FSTL5: variants seen among roughly 807,000 people sequenced by gnomAD.
FSTL5 encodes the protein follistatin like 5.
Under a neutral mutation model 89.1 loss-of-function variants are expected in FSTL5, and 62 were observed. That is an observed-to-expected ratio of 0.70 (90% CI 0.57 to 0.86). The LOEUF (loss-of-function observed/expected upper bound fraction) is 0.86, where lower values mean the gene tolerates loss of function less well. Ranked by LOEUF, FSTL5 falls within the 40% of genes least tolerant of loss-of-function variation. The probability of loss-of-function intolerance (pLI) is 0.00; values close to 1 mark genes in which losing one functional copy is unlikely to be tolerated. For missense variants in FSTL5, 1,057 were observed against 1,001.6 expected (o/e 1.06, Z -0.75); for synonymous variants, 383 against 346.2 (o/e 1.11, Z -1.18).
At chr4:162,157,298 C>G (rs1285242639) in intron 1 of FSTL5, among the ~76,000 whole-genome samples, 1 of 151,882 alleles carries the variant, frequency 6.6e-6, no homozygotes, top group Non-Finnish European at 1.5e-5. Flanking sequence ...GAGAATTTGT[C>G]ATCAACTGAC....
chr4:161,754,045 TAA>T (rs10649973), intron 6 of FSTL5, among the ~76,000 whole-genome samples: 10 of 85,062 alleles, frequency 1.2e-4, no homozygotes, highest in East Asian at 1.1e-3. Flanking sequence ...CCGTCTCAAT[TAA>T]AAAAAAAAAA....
intron 7 of FSTL5, among the ~76,000 whole-genome samples, chr4:161,652,656 T>C (rs1298059418): frequency 6.6e-6 from 1 of 152,080 alleles, no homozygotes; most frequent in Non-Finnish European, 1.5e-5. Flanking sequence ...TAAAAATATA[T>C]TTTAATTAAA....
At chr4:161,702,643 G>A (rs1738434504) in intron 6 of FSTL5, among the ~76,000 whole-genome samples, 1 of 152,120 alleles carries the variant, frequency 6.6e-6, no homozygotes, top group Non-Finnish European at 1.5e-5. Context: ...GCTGTAGAAT[G>A]CTTTTATAAG....
intron 4 of FSTL5, among the ~76,000 whole-genome samples, chr4:161,864,820 C>T (rs1347899246): frequency 7.2e-6 from 1 of 139,754 alleles, no homozygotes; most frequent in East Asian, 2.1e-4. Context: ...TGCAGTGAGC[C>T]GAGATTGTGC....
chr4:162,124,457 T>C (rs931921536), intron 1 of FSTL5, among the ~76,000 whole-genome samples: 3 of 152,158 alleles, frequency 2.0e-5, no homozygotes, highest in African/African-American at 4.8e-5. Context: ...ATTCCCAGTA[T>C]AACTGGTTGG....
chr4:161,996,592 C>T (rs558791438), intron 3 of FSTL5, among the ~76,000 whole-genome samples: 1 of 152,338 alleles, frequency 6.6e-6, no homozygotes, highest in East Asian at 1.9e-4. Flanking sequence ...AAATATAAAA[C>T]TGATCAAATT....
chr4:161,637,388 A>G (rs13105814), intron 7 of FSTL5, among the ~76,000 whole-genome samples: 59,071 of 99,260 alleles, frequency 0.6, 16,974 homozygotes, highest in Middle Eastern at 0.72. Flanking sequence ...AGTAGGTTGC[A>G]AAAATTTTCT....
intron 5 of FSTL5, 50 bp downstream of exon 5, chr4:161,775,828 T>C (rs755978337): frequency 4.5e-6 from 4 of 890,782 alleles, no homozygotes; most frequent in Non-Finnish European, 6.5e-6. Flanking sequence ...AGTAAATATA[T>C]TGTGCATGCT....
intron 6 of FSTL5, among the ~76,000 whole-genome samples, chr4:161,698,658 G>A: frequency 6.6e-6 from 1 of 152,218 alleles, no homozygotes; most frequent in Non-Finnish European, 1.5e-5. Context: ...GCCAGGCGCA[G>A]TGGCTCACGC....
chr4:161,456,134 T>C (rs1426156200), intron 14 of FSTL5, among the ~76,000 whole-genome samples: 2 of 152,198 alleles, frequency 1.3e-5, no homozygotes, highest in Non-Finnish European at 2.9e-5. Context: ...GGAAGGCTTC[T>C]ATTTCAAGTT....
intron 2 of FSTL5, among the ~76,000 whole-genome samples, chr4:162,078,996 A>T (rs1465640822): frequency 6.6e-6 from 1 of 151,780 alleles, no homozygotes; most frequent in Non-Finnish European, 1.5e-5. Context: ...GCAATGGTTG[A>T]GGTATTGTCT....
chr4:161,729,296 C>A (rs1739525149), intron 6 of FSTL5, among the ~76,000 whole-genome samples: 1 of 152,110 alleles, frequency 6.6e-6, no homozygotes, highest in African/African-American at 2.4e-5. Context: ...ATTATTAGAA[C>A]CCCCTCAATA....
chr4:161,644,013 T>C (rs1736054000), intron 7 of FSTL5, among the ~76,000 whole-genome samples: 1 of 152,144 alleles, frequency 6.6e-6, no homozygotes, highest in Non-Finnish European at 1.5e-5. Flanking sequence ...AAAGGTCCTT[T>C]GCACAGAGTT....
intron 15 of FSTL5, among the ~76,000 whole-genome samples, chr4:161,420,618 C>A (rs1188707151): frequency 1.3e-5 from 2 of 151,590 alleles, no homozygotes; most frequent in Non-Finnish European, 2.9e-5. Flanking sequence ...TAAATCTCTT[C>A]ATATAGTCAT....
intron 3 of FSTL5, among the ~76,000 whole-genome samples, chr4:161,955,644 G>A (rs551040355): frequency 4.6e-5 from 7 of 151,604 alleles, no homozygotes; most frequent in South Asian, 2.1e-4. Context: ...ACATCAAAAT[G>A]TAATAGTAGT....
chr4:162,128,408 G>A (rs1304226255), intron 1 of FSTL5, among the ~76,000 whole-genome samples: 1 of 152,134 alleles, frequency 6.6e-6, no homozygotes, highest in African/African-American at 2.4e-5. Flanking sequence ...TGAGAGCAGA[G>A]CTCTCAGAAT....
intron 8 of FSTL5, among the ~76,000 whole-genome samples, chr4:161,544,694 A>C (rs1731948672): frequency 6.6e-6 from 1 of 152,038 alleles, no homozygotes; most frequent in Non-Finnish European, 1.5e-5. Context: ...CTAGACTAAA[A>C]AAAGATGAGT....
intron 2 of FSTL5, among the ~76,000 whole-genome samples, chr4:162,106,445 T>C (rs184413801): frequency 1.7e-4 from 26 of 152,292 alleles, no homozygotes; most frequent in African/African-American, 5.5e-4. Flanking sequence ...AAAAAGGTTG[T>C]AAGCTATGTA....
rs545222657 is a variant in FSTL5 at position 161,932,536 on chromosome 4, T to C, written c.161-11884A>G. Among the ~76,000 whole-genome samples, 3 of 151,728 alleles carry C rather than the reference T, an allele frequency of 2.0e-5. No homozygotes were observed. In the South Asian group the frequency reaches 6.2e-4, roughly 31 times the overall value. On this transcript the variant is annotated intron_variant, in intron 3 of 15. Coordinates refer to ENST00000306100, the MANE Select transcript of FSTL5 (RefSeq NM_020116.5). ...GTGTATATATAAATATATACATACA[T>C]ATATGTAAATATATGTATGTTTGTA...
Sources: gnomAD v4.1 joint callset for allele counts (sites outside exome capture counted in the v4.1 genomes callset) on GRCh38, gnomAD v4.1.1 for gene constraint, MANE v1.5 for transcripts, NCBI Gene and HGNC (gene_info 2026-07-23, HGNC 2026-07-21) for gene names.